HYAL4: variants seen among roughly 807,000 people sequenced by gnomAD.
HYAL4 encodes the protein hyaluronidase 4, also known as hyaluronidase-4.
Under a neutral mutation model 35.2 loss-of-function variants are expected in HYAL4, and 37 were observed. That is an observed-to-expected ratio of 1.05 (90% CI 0.81 to 1.38). HYAL4 has a LOEUF of 1.38. Ranked by LOEUF, HYAL4 falls within the 40% of genes most tolerant of loss-of-function variation. HYAL4 has a pLI of 0.00. For synonymous variants in HYAL4, 198 were observed against 203.2 expected, an observed-to-expected ratio of 0.97 and a Z score of 0.22; for missense variants, 572 against 572.4, an observed-to-expected ratio of 1.00 and a Z score of 0.01.
chr7:123,804,561 G>C, the HYAL4 span, among the ~76,000 whole-genome samples: 1 of 152,110 alleles, frequency 6.6e-6, no homozygotes, highest in Non-Finnish European at 1.5e-5. Flanking sequence ...GTTAGCACTC[G>C]TGCTATTCTC....
chr7:123,839,185 G>T (rs555365851), intron 1 of HYAL4, among the ~76,000 whole-genome samples: 24 of 152,000 alleles, frequency 1.6e-4, no homozygotes, highest in Non-Finnish European at 3.5e-4. Context: ...CCCACTCTTT[G>T]TCCAAATGAT....
chr7:123,863,693 G>A (rs150583187), intron 2 of HYAL4, among the ~76,000 whole-genome samples: 20 of 152,178 alleles, frequency 1.3e-4, no homozygotes, highest in Non-Finnish European at 7.4e-5. Flanking sequence ...TTTAAAAGTG[G>A]CCTGGCTTTG....
chr7:123,864,277 G>A (rs1174446897), intron 2 of HYAL4, among the ~76,000 whole-genome samples: 2 of 152,232 alleles, frequency 1.3e-5, no homozygotes, highest in East Asian at 3.9e-4. Context: ...CCTTTAAAAT[G>A]TCTTCACAGA....
the HYAL4 span, among the ~76,000 whole-genome samples, chr7:123,773,451 A>G: frequency 6.6e-6 from 1 of 152,222 alleles, no homozygotes; most frequent in Non-Finnish European, 1.5e-5. Flanking sequence ...CTGAAATTAC[A>G]TTATTGGTTT....
At chr7:123,836,793 C>T (rs946629788) in intron 1 of HYAL4, among the ~76,000 whole-genome samples, 1 of 152,118 alleles carries the variant, frequency 6.6e-6, no homozygotes, top group African/African-American at 2.4e-5. Context: ...CCCTGGGAGG[C>T]CAAGGCAGGT....
intron 3 of HYAL4, among the ~76,000 whole-genome samples, 191 bp from the exon 4 acceptor site, chr7:123,874,570 T>A (rs1027239555): frequency 6.6e-6 from 1 of 151,648 alleles, no homozygotes; most frequent in Non-Finnish European, 1.5e-5. Context: ...GCCTGGCTAA[T>A]TTTTTTTTGT....
chr7:123,785,940 C>G, the HYAL4 span, among the ~76,000 whole-genome samples: 3 of 139,406 alleles, frequency 2.2e-5, no homozygotes, highest in East Asian at 6.2e-4. This position sits in a 1 kb window ranked among gnomAD's most constrained non-coding sequence, Gnocchi z 4.5. Flanking sequence ...TCAGTAGAAA[C>G]AAGAAAACAA....
At chr7:123,832,406 CG>C (rs1167349966) in intron 1 of HYAL4, among the ~76,000 whole-genome samples, 1 of 148,500 alleles carries the variant, frequency 6.7e-6, no homozygotes, top group Non-Finnish European at 1.5e-5. Flanking sequence ...TCACTGAACC[CG>C]ATTTGTAGTC....
chr7:123,864,826 T>G (rs1348762386), intron 2 of HYAL4, among the ~76,000 whole-genome samples: 5 of 151,432 alleles, frequency 3.3e-5, no homozygotes, highest in African/African-American at 7.3e-5. Context: ...CATATTTAAC[T>G]AGGAGGGCAC....
intron 1 of HYAL4, among the ~76,000 whole-genome samples, chr7:123,832,867 C>T (rs1012764546): frequency 5.3e-5 from 8 of 152,086 alleles, no homozygotes; most frequent in African/African-American, 1.9e-4. Flanking sequence ...GCTTTCCATT[C>T]CTGAGTTATT....
the HYAL4 span, among the ~76,000 whole-genome samples, chr7:123,780,460 A>G: frequency 1.3e-5 from 2 of 152,238 alleles, no homozygotes; most frequent in African/African-American, 2.4e-5. Context: ...CTGTCACATA[A>G]GAATATAAGG....
chr7:123,872,547 C>T (rs546384012), intron 3 of HYAL4, among the ~76,000 whole-genome samples: 12 of 152,278 alleles, frequency 7.9e-5, no homozygotes, highest in African/African-American at 2.9e-4. Flanking sequence ...CTTCTGAAAC[C>T]TTGATTCAGG....
the HYAL4 span, among the ~76,000 whole-genome samples, chr7:123,777,376 C>G: frequency 6.6e-6 from 1 of 151,872 alleles, no homozygotes; most frequent in African/African-American, 2.4e-5. Flanking sequence ...TTAAATAAAA[C>G]ATATAACTAA....
the HYAL4 span, among the ~76,000 whole-genome samples, chr7:123,779,520 A>G: frequency 6.6e-6 from 1 of 152,190 alleles, no homozygotes; most frequent in African/African-American, 2.4e-5. Context: ...TTAAAATAAT[A>G]TAATGAAAAT....
At chr7:123,798,485 A>G in the HYAL4 span, among the ~76,000 whole-genome samples, 1,239 of 152,326 alleles carry the variant, frequency 8.1e-3, 7 homozygotes, top group Non-Finnish European at 0.012. Flanking sequence ...TTTTCAAACC[A>G]CAAAATGTAA....
At chr7:123,792,904 C>G in the HYAL4 span, among the ~76,000 whole-genome samples, 1 of 152,182 alleles carries the variant, frequency 6.6e-6, no homozygotes, top group South Asian at 2.1e-4. Context: ...GACATTCAGG[C>G]AGGCTACCAG....
chr7:123,826,492 T>C (rs1175801386), upstream of HYAL4, among the ~76,000 whole-genome samples: 3 of 152,198 alleles, frequency 2.0e-5, no homozygotes, highest in African/African-American at 4.8e-5. Context: ...AAAGCACTTA[T>C]GACTAGGCAT....
intron 1 of HYAL4, among the ~76,000 whole-genome samples, chr7:123,830,309 C>T (rs1805862076): frequency 6.6e-6 from 1 of 152,166 alleles, no homozygotes; most frequent in African/African-American, 2.4e-5. Flanking sequence ...TCTTCCTATG[C>T]TTATGATAAT....
intron 1 of HYAL4, among the ~76,000 whole-genome samples, chr7:123,833,766 G>A (rs1450152012): frequency 6.6e-6 from 1 of 152,122 alleles, no homozygotes; most frequent in Non-Finnish European, 1.5e-5. Flanking sequence ...TTTGTATAAT[G>A]TGAGGGATGA....
Sources: gnomAD v4.1 joint callset for allele counts (sites outside exome capture counted in the v4.1 genomes callset) on GRCh38, gnomAD v4.1.1 for gene constraint, Gnocchi (gnomAD v3.1) non-coding constraint, MANE v1.5 for transcripts, NCBI Gene and HGNC (gene_info 2026-07-23, HGNC 2026-07-21) for gene names.